FAM117B: variants seen among roughly 807,000 people sequenced by gnomAD.
FAM117B encodes protein FAM117B.
Under a neutral mutation model 52.8 loss-of-function variants are expected in FAM117B, and 22 were observed. The observed-to-expected ratio is 0.42, with a 90% CI of 0.30 to 0.59. The LOEUF (loss-of-function observed/expected upper bound fraction) is 0.59, where lower values mean the gene tolerates loss of function less well. FAM117B is among the 20% of genes least tolerant of loss of function. The pLI is 0.22. For missense variants in FAM117B, 678 were observed against 802.6 expected (o/e 0.84, Z 1.88); for synonymous variants, 309 against 324.1 (o/e 0.95, Z 0.50).
At chr2:202,651,203 AGGCACCTG>A (rs1456400465) in intron 1 of FAM117B, among the ~76,000 whole-genome samples, 6 of 151,762 alleles carry the variant, frequency 4.0e-5, no homozygotes, top group Non-Finnish European at 8.8e-5. Flanking sequence ...ATGGGATTAC[AGGCACCTG>A]TCACCACGCC....
chr2:202,695,416 C>T (rs948902968), intron 1 of FAM117B, among the ~76,000 whole-genome samples: 10 of 152,220 alleles, frequency 6.6e-5, no homozygotes, highest in South Asian at 6.2e-4. Flanking sequence ...CCACCAGGAA[C>T]GTGAATCATT....
At chr2:202,703,322 GT>G (rs1013898891) in intron 2 of FAM117B, among the ~76,000 whole-genome samples, 8 of 152,090 alleles carry the variant, frequency 5.3e-5, no homozygotes, top group African/African-American at 1.7e-4. Context: ...TGTTTTTGAG[GT>G]TCATTCATGT....
At chr2:202,673,922 G>A (rs903166544) in intron 1 of FAM117B, among the ~76,000 whole-genome samples, 1 of 152,024 alleles carries the variant, frequency 6.6e-6, no homozygotes, top group Non-Finnish European at 1.5e-5. Flanking sequence ...CTACATGATG[G>A]GTGTTTTGTA....
intron 6 of FAM117B, among the ~76,000 whole-genome samples, chr2:202,758,658 A>G (rs957107103): frequency 6.6e-6 from 1 of 152,210 alleles, no homozygotes; most frequent in Non-Finnish European, 1.5e-5. Flanking sequence ...GAGTAAAGAA[A>G]TGTTCCTCCT....
chr2:202,648,563 G>GTA (rs1689906095), intron 1 of FAM117B, among the ~76,000 whole-genome samples: 1 of 131,426 alleles, frequency 7.6e-6, no homozygotes, highest in African/African-American at 2.8e-5. Flanking sequence ...ATGTATGTAT[G>GTA]TGTGTGTGTG....
rs74763620 is a variant in FAM117B, at chr2:202,758,265, T to G, written c.1330+827T>G. Among the ~76,000 whole-genome samples, 850 of 152,334 alleles carry G rather than the reference T, an allele frequency of 5.6e-3. 6 individuals are homozygous for G. Among genetic ancestry groups the G allele is most frequent in the Non-Finnish European group, 9.1e-3 (616 of 68,024 alleles). On this transcript the variant is annotated intron_variant, in intron 6 of 7. Coordinates refer to ENST00000392238, the MANE Select transcript of FAM117B (RefSeq NM_173511.4). ...TGTGACAAGCGCAGAAGACAGACGA[T>G]TCACTGAAGAAGTTACTTTAAACTG...
intron 7 of FAM117B, 132 bp from the exon 8 acceptor site, chr2:202,765,314 T>G: frequency 1.1e-6 from 1 of 889,740 alleles, no homozygotes; most frequent in Non-Finnish European, 1.7e-6. Context: ...AGAGCTTGAG[T>G]TTTATATTCC....
At chr2:202,647,453 C>T (rs1019707200) in intron 1 of FAM117B, among the ~76,000 whole-genome samples, 2 of 152,114 alleles carry the variant, frequency 1.3e-5, no homozygotes, top group African/African-American at 2.4e-5. Context: ...TGTACAAATA[C>T]TCAGTTCTGG....
chr2:202,692,691 A>T (rs976889972), intron 1 of FAM117B, among the ~76,000 whole-genome samples: 1 of 152,196 alleles, frequency 6.6e-6, no homozygotes, highest in African/African-American at 2.4e-5. Flanking sequence ...AATTTTACGT[A>T]TCATCTTCGA....
chr2:202,691,698 T>TGTGTGTGCGC (rs1476079292), intron 1 of FAM117B, among the ~76,000 whole-genome samples: 40 of 131,158 alleles, frequency 3.0e-4, no homozygotes, highest in African/African-American at 5.6e-4. Flanking sequence ...TGTGTGTGTG[T>TGTGTGTGCGC]GCGCGCGCGC....
In FAM117B at chr2:202,765,921, G is replaced by A. The variant is rs566236271; in HGVS notation, c.*157G>A. 2.3e-5 allele frequency: 17 copies of A among 746,740 alleles called. No individual in the cohort carries two copies. In the African/African-American group the frequency reaches 2.5e-4, roughly 11 times the overall value. The allele number at this position is 746,740 out of a possible 1,614,324, so 46.3% of individuals were successfully genotyped here. A position where few individuals can be genotyped will look rare whatever the true frequency, so the allele number is the denominator to read the frequency against. On this transcript the variant is annotated 3_prime_UTR_variant, in exon 8 of 8. Coordinates refer to ENST00000392238, the MANE Select transcript of FAM117B (RefSeq NM_173511.4). The stretch of plus-strand genomic sequence containing the variant: ...TCTGGAAGAAAGGATCCCCCGTGAC[G>A]GCTCTGCCCCACTTGTGAACGCCAA...
chr2:202,685,002 T>TGA (rs1690518282), intron 1 of FAM117B, among the ~76,000 whole-genome samples: 1 of 152,040 alleles, frequency 6.6e-6, no homozygotes, highest in Admixed American at 6.6e-5. Flanking sequence ...TTTTTTTTTT[T>TGA]GAGAGAGTCT....
Position 202,708,179 on chromosome 2 carries a change from TACTC to T in FAM117B, c.753+12149_753+12152del, listed in dbSNP as rs567549230. Among the ~76,000 whole-genome samples the T allele has an allele frequency of 3.9e-5, 6 of 152,324 alleles. No homozygotes were observed. In the South Asian group the frequency reaches 1.2e-3, roughly 32 times the overall value. ...AATTATACAGCAGATCTCTAGAACT[TACTC>T]ATTTTGCTTAACTGAAACTTTATTT... On this transcript the variant is annotated intron_variant, in intron 2 of 7. Transcript: ENST00000392238.
chr2:202,739,693 G>C (rs1202524094), intron 4 of FAM117B, among the ~76,000 whole-genome samples: 1 of 152,150 alleles, frequency 6.6e-6, no homozygotes, highest in Middle Eastern at 3.4e-3. Flanking sequence ...TGGTCCTTAA[G>C]CAGTCCTCCC....
intron 2 of FAM117B, among the ~76,000 whole-genome samples, chr2:202,715,888 C>T (rs564678453): frequency 1.3e-4 from 20 of 152,308 alleles, no homozygotes; most frequent in South Asian, 6.2e-4. Flanking sequence ...GAGACCAGCC[C>T]GGCCAACACA....
chr2:202,737,750 C>T (rs1691464245), intron 4 of FAM117B, among the ~76,000 whole-genome samples: 1 of 152,000 alleles, frequency 6.6e-6, no homozygotes, highest in South Asian at 2.1e-4. Context: ...TACAGGCACA[C>T]ACCACCACGC....
chr2:202,676,352 CTA>C (rs1690379034), intron 1 of FAM117B, among the ~76,000 whole-genome samples: 1 of 150,674 alleles, frequency 6.6e-6, no homozygotes, highest in African/African-American at 2.4e-5. Flanking sequence ...CACTGAGAAT[CTA>C]TGAGATAATA....
chr2:202,687,756 G>A (rs1690567087), intron 1 of FAM117B, among the ~76,000 whole-genome samples: 3 of 152,056 alleles, frequency 2.0e-5, no homozygotes, highest in African/African-American at 7.2e-5. Flanking sequence ...TTTAACAAAA[G>A]AATAATTACT....
intron 1 of FAM117B, among the ~76,000 whole-genome samples, chr2:202,686,142 G>A (rs867957921): frequency 4.6e-5 from 7 of 152,198 alleles, no homozygotes; most frequent in Non-Finnish European, 5.9e-5. Flanking sequence ...AAGAAAATGT[G>A]TAAGTGGCCA....
Sources: allele counts gnomAD v4.1 joint callset (sites outside exome capture counted in the v4.1 genomes callset), GRCh38; gene constraint gnomAD v4.1.1; transcripts MANE v1.5; gene names NCBI Gene and HGNC (gene_info 2026-07-23, HGNC 2026-07-21).